Variants in MTERF4 observed in about 807,000 individuals in gnomAD.
MTERF4 encodes mitochondrial transcription termination factor 4, also known as transcription termination factor 4, mitochondrial.
A neutral mutation model predicts 22.5 loss-of-function variants in MTERF4; 17 were observed. The ratio of observed to expected loss-of-function variants is 0.75; its 90% CI spans 0.52 to 1.13. MTERF4 has a LOEUF of 1.13. Ranked by LOEUF, MTERF4 falls within the 50% of genes most tolerant of loss-of-function variation. The pLI, the probability that MTERF4 is intolerant of heterozygous loss-of-function variation, is 0.00. For missense variants in MTERF4, 420 were observed against 466.8 expected (o/e 0.90, Z 0.92); for synonymous variants, 165 against 175.3 (o/e 0.94, Z 0.47).
At chr2:241,049,297 G>C in the MTERF4 span, among the ~76,000 whole-genome samples, 21 of 152,206 alleles carry the variant, frequency 1.4e-4, no homozygotes, top group Non-Finnish European at 2.1e-4. Flanking sequence ...CCTGTAATAT[G>C]GGGCTAGACA....
chr2:241,066,257 C>T, the MTERF4 span, among the ~76,000 whole-genome samples: 9 of 152,010 alleles, frequency 5.9e-5, no homozygotes, highest in African/African-American at 1.9e-4. Context: ...GGGTTGTTGC[C>T]GTGTCGGGGA....
At chr2:241,058,109 T>C in the MTERF4 span, among the ~76,000 whole-genome samples, 1 of 151,852 alleles carries the variant, frequency 6.6e-6, no homozygotes, top group Non-Finnish European at 1.5e-5. Context: ...AGGAAAAAAA[T>C]AGGTGTATAC....
At chr2:241,064,252 G>A in the MTERF4 span, 29 of 636,430 alleles carry the variant, frequency 4.6e-5, no homozygotes, top group South Asian at 2.6e-4. This position sits in a 1 kb window ranked among gnomAD's most constrained non-coding sequence, Gnocchi z 7.0. Flanking sequence ...CCCTCTGCCC[G>A]CCGCCTTGGA....
At chr2:241,069,516 G>A (rs550019437), downstream of MTERF4, among the ~76,000 whole-genome samples, 344 of 152,302 alleles carry the variant, frequency 2.3e-3, 2 homozygotes, top group African/African-American at 8.0e-3. This position sits in a 1 kb window ranked among gnomAD's most constrained non-coding sequence, Gnocchi z 4.9. Flanking sequence ...GAGGAACAGA[G>A]GCTTAAGCAG....
chr2:241,077,753 T>A (rs184049775), intron 4 of MTERF4, among the ~76,000 whole-genome samples: 1 of 152,312 alleles, frequency 6.6e-6, no homozygotes. Context: ...AAAAGATCCT[T>A]GACATCATTA....
chr2:241,048,317 G>A, the MTERF4 span: 14 of 1,599,298 alleles, frequency 8.8e-6, no homozygotes, highest in African/African-American at 2.7e-5. Context: ...TCTTGCAGGA[G>A]ACCATCCAGT....
downstream of MTERF4, chr2:241,068,075 G>T: frequency 3.4e-6 from 3 of 879,316 alleles, no homozygotes; most frequent in Middle Eastern, 3.6e-4. This position sits in a 1 kb window ranked among gnomAD's most constrained non-coding sequence, Gnocchi z 5.3. Flanking sequence ...TCACCTGAGC[G>T]GAGACAAAGG....
chr2:241,071,389 G>A (rs6713206), downstream of MTERF4: 16,177 of 641,028 alleles, frequency 0.025, 288 homozygotes, highest in South Asian at 0.036. Context: ...TGCGGCGGGT[G>A]GGCTGGAAGG....
chr2:241,086,178 T>A (rs898383290), downstream of MTERF4, among the ~76,000 whole-genome samples: 1 of 152,198 alleles, frequency 6.6e-6, no homozygotes, highest in Non-Finnish European at 1.5e-5. Context: ...TGTCTGGGGT[T>A]TCTATGGATG....
the MTERF4 span, among the ~76,000 whole-genome samples, chr2:241,043,382 A>G: frequency 1.3e-5 from 2 of 152,350 alleles, no homozygotes; most frequent in East Asian, 3.9e-4. Flanking sequence ...AGAAAAAACC[A>G]TCAACCTAGT....
chr2:241,094,491 C>A (rs1225947032), downstream of MTERF4: 3 of 455,270 alleles, frequency 6.6e-6, no homozygotes, highest in Non-Finnish European at 1.4e-5. The surrounding 1 kb of genome is among the most constrained non-coding windows in gnomAD (Gnocchi z 4.3). Context: ...GCATGCAGCT[C>A]ACACCTACCA....
In MTERF4 at chr2:241,073,877, A is replaced by G. The variant is rs567669051; in HGVS notation, n.2285T>C. 5.7e-6 allele frequency: 1 copy of G among 176,196 alleles called. No individual in the cohort carries two copies. Among genetic ancestry groups the G allele is most frequent in the East Asian group, 1.5e-4 (1 of 6,570 alleles). 10.9% of individuals were successfully genotyped at this position (176,196 alleles called of 1,614,324 possible). On this transcript the variant is annotated non_coding_transcript_exon_variant, in exon 5 of 5. Transcript: ENST00000464344. The surrounding 1 kb of genome is among the most constrained non-coding windows in gnomAD (Gnocchi z 6.6). ...GCTCTGCCTCGTGAGGATCGAGGCC[A>G]GCACGTCCCTGCAGGGCACCAAGCA...
chr2:241,085,672 G>C (rs1015416398), downstream of MTERF4, among the ~76,000 whole-genome samples: 3 of 151,966 alleles, frequency 2.0e-5, no homozygotes, highest in African/African-American at 7.3e-5. Context: ...GCTGGGCATT[G>C]TAAGTTTTAT....
chr2:241,090,700 C>T (rs2063899535), downstream of MTERF4, among the ~76,000 whole-genome samples: 1 of 152,100 alleles, frequency 6.6e-6, no homozygotes, highest in Non-Finnish European at 1.5e-5. Context: ...AACCCTGTCT[C>T]TACTAAAAAT....
At chr2:241,064,204 GCCCGCCTGCTC>G in the MTERF4 span, 1 of 981,014 alleles carries the variant, frequency 1.0e-6, no homozygotes, top group Non-Finnish European at 1.5e-6. This position sits in a 1 kb window ranked among gnomAD's most constrained non-coding sequence, Gnocchi z 7.0. Context: ...CCCGCCCTCT[GCCCGCCTGCTC>G]CCCGCCCTCT....
chr2:241,069,688 G>A (rs1197857379), downstream of MTERF4, among the ~76,000 whole-genome samples: 1 of 152,134 alleles, frequency 6.6e-6, no homozygotes, highest in Non-Finnish European at 1.5e-5. This position sits in a 1 kb window ranked among gnomAD's most constrained non-coding sequence, Gnocchi z 4.9. Flanking sequence ...GCTTCACAGG[G>A]TGGATCCTAA....
Position 241,096,504 on chromosome 2 carries a change from C to T in MTERF4, c.706-66G>A. 1.9e-6 allele frequency: 3 copies of T among 1,559,238 alleles called. No individual in the cohort carries two copies. The highest frequency in any genetic ancestry group is 1.7e-4 in the Middle Eastern group (1 of 5,958). ...TATTGAAACCTATCATTCTATAAAC[C>T]ATAAAAACTTAAGTTGTACAAAAGG... On this transcript the variant is annotated intron_variant, in intron 3 of 3. Transcript: ENST00000391980. The surrounding 1 kb of genome is among the most constrained non-coding windows in gnomAD (Gnocchi z 5.1).
rs751926991 is a variant in MTERF4, at chr2:241,097,437, A to G, written c.521-10T>C. 1.2e-6 allele frequency: 2 copies of G among 1,605,638 alleles called. No individual in the cohort carries two copies. Among genetic ancestry groups the G allele is most frequent in the South Asian group, 1.1e-5 (1 of 90,180 alleles). On this transcript the variant is annotated splice_polypyrimidine_tract_variant and intron_variant, in intron 2 of 3. Transcript: ENST00000391980. ...ACCCTCTTTAATTTCCCTGCAGAACATTCAAAAAAGGCAAGCATATAATTT... is the reference window on the plus strand; with the variant it reads ...ACCCTCTTTAATTTCCCTGCAGAACGTTCAAAAAAGGCAAGCATATAATTT...
intron 4 of MTERF4, among the ~76,000 whole-genome samples, chr2:241,079,058 G>T (rs564853906): frequency 6.9e-6 from 1 of 145,976 alleles, no homozygotes; most frequent in Non-Finnish European, 1.5e-5. Flanking sequence ...AGGCTGCAGC[G>T]AGCCGAGATC....
Sources: allele counts gnomAD v4.1 joint callset (sites outside exome capture counted in the v4.1 genomes callset), GRCh38; gene constraint gnomAD v4.1.1; non-coding constraint Gnocchi (gnomAD v3.1); transcripts MANE v1.5; gene names NCBI Gene and HGNC (gene_info 2026-07-23, HGNC 2026-07-21).